The following NKX2-2 variants were observed in gnomAD, a reference collection of about 807,000 sequenced individuals.
NKX2-2 encodes homeobox protein Nkx-2.2.
In NKX2-2, 8 loss-of-function variants were observed where a neutral mutation model predicts 24.6. The observed-to-expected ratio is 0.32, with a 90% CI of 0.19 to 0.59. NKX2-2 has a LOEUF of 0.59. Ranked by LOEUF, NKX2-2 falls within the 20% of genes least tolerant of loss-of-function variation. The pLI, the probability that NKX2-2 is intolerant of heterozygous loss-of-function variation, is 0.86. For missense variants in NKX2-2, 381 were observed against 373.9 expected, an observed-to-expected ratio of 1.02 and a Z score of -0.16; for synonymous variants, 217 against 173.3, an observed-to-expected ratio of 1.25 and a Z score of -1.98.
upstream of NKX2-2, among the ~76,000 whole-genome samples, chr20:21,518,830 G>A (rs981338708): frequency 1.3e-5 from 2 of 152,222 alleles, no homozygotes; most frequent in Admixed American, 6.5e-5. Flanking sequence ...CTACGGAGGG[G>A]AGCCTTTCTT....
rs771552177 is a variant in NKX2-2 at position 21,512,389 on chromosome 20, G to C, written c.356C>G (p.Pro119Arg). The C allele has an allele frequency of 1.2e-6, 2 of 1,600,772 alleles. No individual in the cohort carries two copies. The highest frequency in any genetic ancestry group is 1.7e-6 in the Non-Finnish European group (2 of 1,175,776). Residue 119 changes from proline (P) to arginine (R), a missense_variant, in exon 2 of 2, where the codon CCG (proline) becomes CGG (arginine). Physicochemically the swap from Pro to Arg is moderately radical, Grantham distance 103. Transcript: ENST00000377142. ...CTTGCCGGCGTCCCCCCCGCCGCCC[G>C]GGGTCTCCTTGTCATTGTCCGGTGA... is the stretch of plus-strand genomic sequence containing the variant. ...DESPDNDKET[P>R]GGGGDAGKKR...
rs1034967996 is a variant in NKX2-2, at chr20:21,511,371, A to G, written c.*552T>C. ...GCAACAATCACCACCGATATTTACA[A>G]CGAAAAGCGAAATCTGCCACCAGTT... On this transcript the variant is annotated 3_prime_UTR_variant, in exon 2 of 2. Coordinates refer to ENST00000377142, the MANE Select transcript of NKX2-2 (RefSeq NM_002509.4). 1.3e-5 allele frequency: 2 copies of G among 152,708 alleles called. No homozygotes were observed. The highest frequency in any genetic ancestry group is 3.9e-4 in the East Asian group (2 of 5,178). The allele number at this position is 152,708 out of a possible 1,614,324, so 9.5% of individuals were successfully genotyped here.
At position 21,512,307 on chromosome 20, in the gene NKX2-2, G is replaced by C. The variant is rs1490046164; in HGVS notation, c.438C>G (p.Arg146=). The C allele has an allele frequency of 1.9e-6, 3 of 1,613,610 alleles. No homozygotes were observed. The South Asian group carries it at 3.3e-5, about 18-fold the overall frequency. ...CCGACAGGTACCGCTGCTGCCGAAAGCGCCGCTCCAGCTCGTAGGTCTGCG... is the reference window on the plus strand; with the variant it reads ...CCGACAGGTACCGCTGCTGCCGAAACCGCCGCTCCAGCTCGTAGGTCTGCG... ...SKAQTYELER[R]FRQQRYLSAP... is the part of the protein sequence containing the mutation. The change falls in exon 2 of 2, where the codon CGC becomes CGG. Residue 146 remains arginine (R), a synonymous_variant. Transcript: ENST00000377142.
At position 21,511,249 on chromosome 20, in the gene NKX2-2, G is replaced by GCAAAAACAAAAACAATAAA. The variant is rs1555794441; in HGVS notation, c.*673_*674insTTTATTGTTTTTGTTTTTG. ...AGAAAGGAAGAAAGCAGGGGAAAAC[G>GCAAAAACAAAAACAATAAA]CAAAAACAAAAACAAAACAAAAAAC... On this transcript the variant is annotated 3_prime_UTR_variant, in exon 2 of 2. Transcript: ENST00000377142. 1 of 151,486 alleles carries GCAAAAACAAAAACAATAAA rather than the reference G, an allele frequency of 6.6e-6. No homozygotes were observed. The highest frequency in any genetic ancestry group is 1.5e-5 in the Non-Finnish European group (1 of 67,802). The allele number at this position is 151,486 out of a possible 1,614,324, so 9.4% of individuals were successfully genotyped here.
At chr20:21,514,130 GA>G (rs1488883070), upstream of NKX2-2, 2 of 151,958 alleles carry the variant, frequency 1.3e-5, no homozygotes, top group Non-Finnish European at 2.9e-5. Flanking sequence ...GAGGCGGGGA[GA>G]GGGGGAGAAA....
In NKX2-2 at chr20:21,513,604, G is replaced by C. The variant is rs916595539; in HGVS notation, c.66C>G (p.Asn22Lys). 1 of 1,612,882 alleles carries C rather than the reference G, an allele frequency of 6.2e-7. No individual in the cohort carries two copies. The highest frequency in any genetic ancestry group is 8.5e-7 in the Non-Finnish European group (1 of 1,179,526). ...VKDILDLPDT[N>K]DEEGSVAEGP... ...CTTCGGCCACAGAGCCCTCCTCATC[G>C]TTGGTGTCCGGCAGGTCTAAGATGT... Residue 22 changes from asparagine (N) to lysine (K), a missense_variant, in exon 1 of 2, where the codon AAC becomes AAG. Around this residue, in one of 3 missense-constraint regions of NKX2-2, gnomAD observed 206 missense variants for 173.1 expected, o/e 1.19. Coordinates refer to ENST00000377142, the MANE Select transcript of NKX2-2 (RefSeq NM_002509.4). The surrounding 1 kb of genome is among the most constrained non-coding windows in gnomAD (Gnocchi z 4.6).
At chr20:21,516,481 C>G (rs1980643394), upstream of NKX2-2, among the ~76,000 whole-genome samples, 2 of 151,796 alleles carry the variant, frequency 1.3e-5, no homozygotes, top group Admixed American at 6.6e-5. Context: ...CGCTCTGCCC[C>G]GTCGGAGGAG....
the NKX2-2 span, among the ~76,000 whole-genome samples, chr20:21,520,255 T>C: frequency 6.6e-6 from 1 of 151,274 alleles, no homozygotes; most frequent in South Asian, 2.1e-4. Context: ...GAGCCTGGAG[T>C]CCCCCTGCGA....
At position 21,511,959 on chromosome 20, in the gene NKX2-2, T is replaced by G; in HGVS notation, c.786A>C (p.Ala262=). Residue 262 remains alanine (A), a synonymous_variant, in exon 2 of 2, where the codon GCA becomes GCC. Coordinates refer to ENST00000377142, the MANE Select transcript of NKX2-2 (RefSeq NM_002509.4). ...SSASTPQYPT[A]HPLVQAQQWT... ...ACTGCTGGGCCTGGACCAGGGGGTG[T>G]GCTGTCGGGTACTGGGGGGTGCTGG... 1 of 1,605,454 alleles carries G rather than the reference T, an allele frequency of 6.2e-7. No homozygotes were observed. The highest frequency in any genetic ancestry group is 8.5e-7 in the Non-Finnish European group (1 of 1,176,742).
Position 21,512,380 on chromosome 20 carries a change from C to A in NKX2-2, c.365G>T (p.Gly122Val), listed in dbSNP as rs8192563. The change falls in exon 2 of 2, where the codon GGG becomes GTG. Residue 122 changes from glycine (G) to valine (V), a missense_variant. Around this residue, in one of 3 missense-constraint regions of NKX2-2, gnomAD observed 206 missense variants for 173.1 expected, o/e 1.19. Coordinates refer to ENST00000377142, the MANE Select transcript of NKX2-2 (RefSeq NM_002509.4). ...PDNDKETPGG[G>V]GDAGKKRKRR... ...CTTTCGCTTCTTGCCGGCGTCCCCC[C>A]CGCCGCCCGGGGTCTCCTTGTCATT... 98 of 1,603,086 alleles carry A rather than the reference C, an allele frequency of 6.1e-5. 1 individual carries two copies. In the South Asian group the frequency reaches 7.6e-4, roughly 12 times the overall value.
chr20:21,520,429 T>G, the NKX2-2 span, among the ~76,000 whole-genome samples: 10 of 152,234 alleles, frequency 6.6e-5, no homozygotes, highest in Non-Finnish European at 1.0e-4. Context: ...AGTATTTGTC[T>G]TTCTATTAAT....
At chr20:21,517,486 A>G (rs1568639577), upstream of NKX2-2, among the ~76,000 whole-genome samples, 1 of 152,174 alleles carries the variant, frequency 6.6e-6, no homozygotes, top group Admixed American at 6.5e-5. Context: ...GTCCATTTCC[A>G]GAGCGTTAAC....
chr20:21,519,715 C>G, the NKX2-2 span, among the ~76,000 whole-genome samples: 1 of 152,214 alleles, frequency 6.6e-6, no homozygotes, highest in Non-Finnish European at 1.5e-5. Context: ...GGGACCTTTG[C>G]TAACCAGAAA....
chr20:21,515,690 G>A (rs1009165962), upstream of NKX2-2, among the ~76,000 whole-genome samples: 3 of 152,022 alleles, frequency 2.0e-5, no homozygotes, highest in Non-Finnish European at 4.4e-5. Flanking sequence ...GCGGGGAGGG[G>A]CACAGAAGGC....
the NKX2-2 span, among the ~76,000 whole-genome samples, chr20:21,520,805 A>G: frequency 6.6e-6 from 1 of 152,210 alleles, no homozygotes; most frequent in Admixed American, 6.5e-5. Context: ...GAGATTACGC[A>G]TCGTCAGTGT....
At chr20:21,522,317 C>T in the NKX2-2 span, among the ~76,000 whole-genome samples, 4 of 152,188 alleles carry the variant, frequency 2.6e-5, no homozygotes, top group African/African-American at 9.7e-5. Flanking sequence ...TCCGGCGCCG[C>T]TCGGCGGCGA....
At position 21,513,115 on chromosome 20, in the gene NKX2-2, C is replaced by T. The variant is rs1381922144; in HGVS notation, c.259+296G>A. Among the ~76,000 whole-genome samples, 1 of 151,914 alleles carries T rather than the reference C, an allele frequency of 6.6e-6. No individual in the cohort carries two copies. The highest frequency in any genetic ancestry group is 2.4e-5 in the African/African-American group (1 of 41,368). On this transcript the variant is annotated intron_variant, in intron 1 of 1. Transcript: ENST00000377142. This position sits in a 1 kb window ranked among gnomAD's most constrained non-coding sequence, Gnocchi z 4.6. The stretch of plus-strand genomic sequence containing the variant: ...GTCCGGGGGCTGCGGCTGGAGCCAT[C>T]GGTCCGGGTTGACATCATATACCAG...
chr20:21,518,410 G>A (rs1335453355), upstream of NKX2-2, among the ~76,000 whole-genome samples: 4 of 152,192 alleles, frequency 2.6e-5, no homozygotes, highest in Non-Finnish European at 5.9e-5. Context: ...AGGGGAGGAA[G>A]AGAACCTGTG....
upstream of NKX2-2, among the ~76,000 whole-genome samples, chr20:21,517,563 T>C (rs1980671531): frequency 6.6e-6 from 1 of 152,056 alleles, no homozygotes; most frequent in South Asian, 2.1e-4. Context: ...AAACTGGGCT[T>C]GTTAGTGGAA....
Sources: allele counts gnomAD v4.1 joint callset (sites outside exome capture counted in the v4.1 genomes callset), GRCh38; gene constraint gnomAD v4.1.1; regional missense constraint gnomAD v4.1.1; non-coding constraint Gnocchi (gnomAD v3.1); transcripts MANE v1.5; gene names NCBI Gene and HGNC (gene_info 2026-07-23, HGNC 2026-07-21).